Variants in TBCK observed in about 807,000 individuals in gnomAD.
The protein encoded by TBCK is TBC domain-containing protein kinase-like protein.
TBCK carries 99 observed loss-of-function variants against 113.4 expected under a neutral mutation model. That is an observed-to-expected ratio of 0.87 (90% CI 0.74 to 1.03). TBCK has a LOEUF of 1.03. Ranked by LOEUF, TBCK falls within the 50% of genes least tolerant of loss-of-function variation. The pLI is 0.00. For missense variants in TBCK, 1,045 were observed against 1,061.3 expected, an observed-to-expected ratio of 0.98 and a Z score of 0.21; for synonymous variants, 369 against 370.8, an observed-to-expected ratio of 1.00 and a Z score of 0.05.
At chr4:106,078,476 CA>C (rs912916927) in intron 25 of TBCK, among the ~76,000 whole-genome samples, 1 of 152,086 alleles carries the variant, frequency 6.6e-6, no homozygotes, top group Non-Finnish European at 1.5e-5. Context: ...TACAAAAATA[CA>C]AAAGTTCACC....
intron 25 of TBCK, among the ~76,000 whole-genome samples, chr4:106,059,366 C>T (rs545393362): frequency 6.6e-6 from 1 of 151,820 alleles, no homozygotes; most frequent in South Asian, 2.1e-4. Flanking sequence ...TCTATTGGTA[C>T]CATTTTTACA....
At chr4:106,081,053 T>C (rs1043677959) in intron 25 of TBCK, among the ~76,000 whole-genome samples, 5 of 152,142 alleles carry the variant, frequency 3.3e-5, no homozygotes, top group Non-Finnish European at 7.4e-5. Flanking sequence ...AAAGGAACAC[T>C]TTTACACATT....
chr4:106,190,897 C>T (rs1253571406), intron 22 of TBCK, among the ~76,000 whole-genome samples: 1 of 152,134 alleles, frequency 6.6e-6, no homozygotes, highest in African/African-American at 2.4e-5. Flanking sequence ...CCTGCCACCA[C>T]GCCCGTCTAA....
At chr4:106,073,363 AG>A (rs1296498360) in intron 25 of TBCK, among the ~76,000 whole-genome samples, 62 of 152,284 alleles carry the variant, frequency 4.1e-4, no homozygotes, top group African/African-American at 1.2e-3. Context: ...CCTCAGCTGC[AG>A]GTCTGTTGGA....
intron 20 of TBCK, among the ~76,000 whole-genome samples, chr4:106,212,222 T>A (rs1756230003): frequency 6.6e-6 from 1 of 152,176 alleles, no homozygotes; most frequent in Admixed American, 6.5e-5. Flanking sequence ...TTTTGATATA[T>A]GTTTATTCAA....
chr4:106,230,529 T>G (rs1758745748), intron 18 of TBCK, 83 bp from the exon 19 acceptor site: 1 of 669,686 alleles, frequency 1.5e-6, no homozygotes, highest in Non-Finnish European at 2.4e-6. Flanking sequence ...TTAGCACATA[T>G]TCCTTGAAAC....
At position 106,043,465 on chromosome 4, in the gene TBCK, A is replaced by G. The variant is rs576082574; in HGVS notation, c.*3105T>C. On this transcript the variant is annotated 3_prime_UTR_variant, in exon 26 of 26. Transcript: ENST00000394708. ...AAATTGATAGATTCAATTTTATATT[A>G]ATTGAGCATATCCAATGTGGTGGGT... 1 of 152,310 alleles carries G rather than the reference A, an allele frequency of 6.6e-6. No homozygotes were observed. The highest frequency in any genetic ancestry group is 1.5e-5 in the Non-Finnish European group (1 of 68,024). 9.4% of individuals were successfully genotyped at this position (152,310 alleles called of 1,614,324 possible).
At chr4:106,069,684 G>A (rs1737130342) in intron 25 of TBCK, among the ~76,000 whole-genome samples, 1 of 152,192 alleles carries the variant, frequency 6.6e-6, no homozygotes, top group Admixed American at 6.5e-5. Context: ...TGTGAAGAAA[G>A]TCATTGGTAG....
rs185032724 is a variant in TBCK at position 106,070,723 on chromosome 4, C to T, written c.2572-24043G>A. On this transcript the variant is annotated intron_variant, in intron 25 of 25. Coordinates refer to ENST00000394708, the MANE Select transcript of TBCK (RefSeq NM_001163435.3). ...GAATAGTTTCAGAAGGAATGGTACC[C>T]GCTCGTCTTTGTAATTCTGGTAGAA... Among the ~76,000 whole-genome samples the T allele has an allele frequency of 2.2e-4, 34 of 152,040 alleles. No individual in the cohort carries two copies. In the East Asian group the frequency reaches 3.7e-3, roughly 16 times the overall value.
At chr4:106,172,671 G>A (rs1340666422) in intron 22 of TBCK, among the ~76,000 whole-genome samples, 1 of 152,050 alleles carries the variant, frequency 6.6e-6, no homozygotes, top group Non-Finnish European at 1.5e-5. Context: ...TAGGCATTAA[G>A]TAAATTCTGT....
intron 3 of TBCK, among the ~76,000 whole-genome samples, chr4:106,283,348 T>C (rs1222789827): frequency 6.6e-6 from 1 of 152,082 alleles, no homozygotes. Context: ...AGACTAACAA[T>C]TATAAGCCTG....
rs554429113 is a variant in TBCK, at chr4:106,302,161, T to C, written c.193+6607A>G. On this transcript the variant is annotated intron_variant, in intron 2 of 25. Coordinates refer to ENST00000394708, the MANE Select transcript of TBCK (RefSeq NM_001163435.3). ...ATTTCAGACAACTAGACTTAGAATA[T>C]ATAAACTTTACACATATTCATGACC... is the stretch of plus-strand genomic sequence containing the variant. Among the ~76,000 whole-genome samples, 62 of 152,286 alleles carry C rather than the reference T, an allele frequency of 4.1e-4. 3 individuals are homozygous for C. The South Asian group carries it at 0.011, about 28-fold the overall frequency.
intron 19 of TBCK, among the ~76,000 whole-genome samples, chr4:106,222,295 C>T (rs762333287): frequency 6.6e-6 from 1 of 151,694 alleles, no homozygotes; most frequent in African/African-American, 2.4e-5. Context: ...ATTTTTGTTT[C>T]TCTCCTTTAA....
At chr4:106,231,232 AC>A (rs1407563488) in intron 18 of TBCK, among the ~76,000 whole-genome samples, 1 of 151,152 alleles carries the variant, frequency 6.6e-6, no homozygotes, top group Non-Finnish European at 1.5e-5. Flanking sequence ...GAAAAAAAAA[AC>A]CTGCCATTGA....
At chr4:106,251,749 C>T in intron 6 of TBCK, 117 bp downstream of exon 6, 1 of 968,294 alleles carries the variant, frequency 1.0e-6, no homozygotes. Flanking sequence ...GCCTTTTCTC[C>T]TCATATGTAA....
intron 20 of TBCK, among the ~76,000 whole-genome samples, chr4:106,211,855 GATA>G (rs1488639102): frequency 2.0e-5 from 3 of 151,822 alleles, no homozygotes; most frequent in Admixed American, 1.3e-4. Flanking sequence ...ATGAAAATGA[GATA>G]ATACCATAAT....
At chr4:106,241,482 G>T (rs1212542552) in intron 12 of TBCK, among the ~76,000 whole-genome samples, 1 of 151,922 alleles carries the variant, frequency 6.6e-6, no homozygotes. Context: ...TCCCTTGCTA[G>T]ATATCAACAG....
At chr4:106,200,018 C>T (rs1754696362) in intron 20 of TBCK, among the ~76,000 whole-genome samples, 1 of 152,142 alleles carries the variant, frequency 6.6e-6, no homozygotes, top group Admixed American at 6.6e-5. Context: ...TGATGATCAA[C>T]AAAACTATGT....
intron 25 of TBCK, among the ~76,000 whole-genome samples, chr4:106,052,244 T>C (rs1423423748): frequency 6.6e-6 from 1 of 151,774 alleles, no homozygotes; most frequent in Non-Finnish European, 1.5e-5. Flanking sequence ...AGAAGGTGAA[T>C]GCACAGGCCA....
Sources: gnomAD v4.1 joint callset for allele counts (sites outside exome capture counted in the v4.1 genomes callset) on GRCh38, gnomAD v4.1.1 for gene constraint, MANE v1.5 for transcripts, NCBI Gene and HGNC (gene_info 2026-07-23, HGNC 2026-07-21) for gene names.